Variants in TSHZ3 observed in about 807,000 individuals in gnomAD.
TSHZ3 encodes teashirt homolog 3.
A neutral mutation model predicts 64.5 loss-of-function variants in TSHZ3; 10 were observed. That is an observed-to-expected ratio of 0.16 (90% CI 0.10 to 0.26). The LOEUF is 0.26. Among genes scored for constraint, TSHZ3 ranks in the 10% least tolerant of loss-of-function variants. The pLI, the probability that TSHZ3 is intolerant of heterozygous loss-of-function variation, is 1.00. For missense variants in TSHZ3, 1,242 were observed against 1,421.7 expected (o/e 0.87, Z 2.03); for synonymous variants, 608 against 593.1 (o/e 1.03, Z -0.36).
intron 1 of TSHZ3, among the ~76,000 whole-genome samples, chr19:31,260,481 G>A (rs978357074): frequency 6.6e-6 from 1 of 152,182 alleles, no homozygotes; most frequent in African/African-American, 2.4e-5. Flanking sequence ...CCTGATCTCT[G>A]GGCTCTGTCC....
intron 5 of TSHZ3, among the ~76,000 whole-genome samples, chr19:31,169,222 C>T (rs1306449539): frequency 6.6e-6 from 1 of 152,118 alleles, no homozygotes; most frequent in East Asian, 1.9e-4. Flanking sequence ...GGAAACAGTA[C>T]AGGGGTTCCT....
At chr19:31,178,163 G>C (rs991953808) in intron 5 of TSHZ3, among the ~76,000 whole-genome samples, 1 of 152,164 alleles carries the variant, frequency 6.6e-6, no homozygotes, top group South Asian at 2.1e-4. Context: ...TGATAGATAT[G>C]ATCGTTCTTT....
At chr19:31,256,877 C>G (rs1218273204) in intron 1 of TSHZ3, among the ~76,000 whole-genome samples, 1 of 152,142 alleles carries the variant, frequency 6.6e-6, no homozygotes, top group African/African-American at 2.4e-5. Context: ...ACAGCATTGT[C>G]CTACTCACAG....
At chr19:31,246,378 A>G (rs896745002) in intron 1 of TSHZ3, among the ~76,000 whole-genome samples, 2 of 152,244 alleles carry the variant, frequency 1.3e-5, no homozygotes, top group African/African-American at 4.8e-5. Context: ...TTACTTGTGC[A>G]ATTCACATAA....
chr19:31,306,267 C>T lies in TSHZ3; in HGVS notation c.41-26515G>A, dbSNP rs145919645. Among the ~76,000 whole-genome samples, 668 of 152,234 alleles carry T rather than the reference C, an allele frequency of 4.4e-3. 8 individuals are homozygous for T. The highest frequency in any genetic ancestry group is 0.015 in the African/African-American group (624 of 41,526). On this transcript the variant is annotated intron_variant, in intron 1 of 1. Transcript: ENST00000240587. ...GCTGGGCTGCGAGCTTCCTTCGGAGCGAGGACCACTACTGAGTGTGACAAA... is the reference window on the plus strand; with the variant it reads ...GCTGGGCTGCGAGCTTCCTTCGGAGTGAGGACCACTACTGAGTGTGACAAA...
chr19:31,318,701 A>C (rs1916677401), intron 1 of TSHZ3, among the ~76,000 whole-genome samples: 1 of 152,236 alleles, frequency 6.6e-6, no homozygotes, highest in Non-Finnish European at 1.5e-5. Context: ...TCCTTTTATT[A>C]AAAACAATGA....
rs867298736 is a variant in TSHZ3, at chr19:31,229,866, G to A, written n.551-1726C>T. Among the ~76,000 whole-genome samples the A allele has an allele frequency of 2.0e-5, 3 of 152,244 alleles. No homozygotes were observed. The Middle Eastern group carries it at 0.01, about 521-fold the overall frequency. The stretch of plus-strand genomic sequence containing the variant: ...GCAAACTGAAACAATAGTGAAACAC[G>A]ATTTTTCAGCTATTACACTGACATT... On this transcript the variant is annotated intron_variant and non_coding_transcript_variant, in intron 3 of 6. Transcript: ENST00000651361.
intron 1 of TSHZ3, among the ~76,000 whole-genome samples, chr19:31,252,634 C>T (rs1418027849): frequency 6.6e-6 from 1 of 152,214 alleles, no homozygotes; most frequent in African/African-American, 2.4e-5. Context: ...CTCTCTCCTG[C>T]TGCCATGTGA....
At chr19:31,232,010 G>T (rs1975547116) in intron 3 of TSHZ3, among the ~76,000 whole-genome samples, 1 of 152,066 alleles carries the variant, frequency 6.6e-6, no homozygotes, top group African/African-American at 2.4e-5. Context: ...TGGGGAAAAG[G>T]CCTAAGAATC....
intron 1 of TSHZ3, among the ~76,000 whole-genome samples, chr19:31,259,067 T>C (rs1288079552): frequency 6.6e-6 from 1 of 152,244 alleles, no homozygotes; most frequent in Admixed American, 6.5e-5. Flanking sequence ...TTAATTTTAA[T>C]GCTTTCTCTA....
chr19:31,320,621 C>T (rs1258987612), intron 1 of TSHZ3, among the ~76,000 whole-genome samples: 1 of 152,104 alleles, frequency 6.6e-6, no homozygotes, highest in East Asian at 1.9e-4. Flanking sequence ...GAGTAACTGA[C>T]CTCTCCCTGG....
At chr19:31,161,771 A>C (rs1028191989) in intron 5 of TSHZ3, among the ~76,000 whole-genome samples, 1 of 152,144 alleles carries the variant, frequency 6.6e-6, no homozygotes, top group Non-Finnish European at 1.5e-5. Context: ...CCTTTCTGTA[A>C]AGGGCCAGAT....
At chr19:31,329,052 A>C (rs1318643361) in intron 1 of TSHZ3, among the ~76,000 whole-genome samples, 1 of 152,200 alleles carries the variant, frequency 6.6e-6, no homozygotes, top group East Asian at 1.9e-4. Context: ...TTTACAGAAA[A>C]TGAAATGCTC....
At chr19:31,256,340 C>G (rs1164661430) in intron 1 of TSHZ3, among the ~76,000 whole-genome samples, 1 of 152,140 alleles carries the variant, frequency 6.6e-6, no homozygotes, top group Non-Finnish European at 1.5e-5. Context: ...CCAGCCCCAT[C>G]AGCTCTCTCT....
At chr19:31,341,425 G>A (rs1326106455) in intron 1 of TSHZ3, among the ~76,000 whole-genome samples, 1 of 151,968 alleles carries the variant, frequency 6.6e-6, no homozygotes, top group Non-Finnish European at 1.5e-5. Flanking sequence ...TACCACACAG[G>A]TTTCAGTCCA....
At chr19:31,177,310 C>T (rs10425026) in intron 5 of TSHZ3, among the ~76,000 whole-genome samples, 95,028 of 152,078 alleles carry the variant, frequency 0.62, 30,153 homozygotes, top group African/African-American at 0.75. Context: ...TCTCCTGTGC[C>T]CCCAGAAGCT....
At chr19:31,286,920 T>C (rs1976474864) in intron 1 of TSHZ3, among the ~76,000 whole-genome samples, 1 of 152,226 alleles carries the variant, frequency 6.6e-6, no homozygotes, top group African/African-American at 2.4e-5. Flanking sequence ...GAGACACCAA[T>C]TCGTTAATAT....
intron 1 of TSHZ3, among the ~76,000 whole-genome samples, chr19:31,322,918 A>G (rs1916816019): frequency 6.6e-6 from 1 of 152,256 alleles, no homozygotes; most frequent in Non-Finnish European, 1.5e-5. Flanking sequence ...GATTAGCAAT[A>G]TATGTCTATT....
chr19:31,322,230 G>T (rs917994094), intron 1 of TSHZ3, among the ~76,000 whole-genome samples: 3 of 152,100 alleles, frequency 2.0e-5, no homozygotes, highest in Admixed American at 6.5e-5. Context: ...CTATCTCCTG[G>T]GTTCAAACGA....
Sources: gnomAD v4.1 joint callset for allele counts (sites outside exome capture counted in the v4.1 genomes callset) on GRCh38, gnomAD v4.1.1 for gene constraint, MANE v1.5 for transcripts, NCBI Gene and HGNC (gene_info 2026-07-23, HGNC 2026-07-21) for gene names.